Variants in FNBP1 observed in about 807,000 individuals in gnomAD.
The protein encoded by FNBP1 is formin binding protein 1.
Under a neutral mutation model 90.6 loss-of-function variants are expected in FNBP1, and 26 were observed. The ratio of observed to expected loss-of-function variants is 0.29; its 90% CI spans 0.21 to 0.40. The LOEUF is 0.40. Among genes scored for constraint, FNBP1 ranks in the 10% least tolerant of loss-of-function variants. FNBP1 has a pLI of 1.00. For missense variants in FNBP1, 635 were observed against 768.0 expected (o/e 0.83, Z 2.05); for synonymous variants, 260 against 265.2 (o/e 0.98, Z 0.19).
chr9:130,036,767 C>G (rs570129987), intron 1 of FNBP1, among the ~76,000 whole-genome samples: 1 of 152,104 alleles, frequency 6.6e-6, no homozygotes. Context: ...AGCAGTAGGC[C>G]GGGCGCAGTG....
intron 15 of FNBP1, among the ~76,000 whole-genome samples, chr9:129,897,786 A>G (rs1454256260): frequency 6.6e-6 from 1 of 151,814 alleles, no homozygotes; most frequent in Non-Finnish European, 1.5e-5. Flanking sequence ...TCTGCAGGAC[A>G]TCGTTTCAAG....
At chr9:130,048,593 C>T in the FNBP1 span, among the ~76,000 whole-genome samples, 3 of 143,896 alleles carry the variant, frequency 2.1e-5, no homozygotes, top group African/African-American at 7.7e-5. Context: ...ATTCTCCTGC[C>T]TCAGCCTCCC....
At chr9:130,016,498 C>A (rs1387995501) in intron 1 of FNBP1, among the ~76,000 whole-genome samples, 1 of 152,164 alleles carries the variant, frequency 6.6e-6, no homozygotes, top group Non-Finnish European at 1.5e-5. Flanking sequence ...AATCCCAGCA[C>A]TTTGGGAGGC....
At chr9:129,919,290 A>C (rs1016694521) in intron 10 of FNBP1, 2 of 987,816 alleles carry the variant, frequency 2.0e-6, no homozygotes, top group Admixed American at 2.3e-5. Context: ...AAAATTAACC[A>C]TAAGACTTTA....
chr9:130,038,182 G>A (rs191959330), intron 1 of FNBP1, among the ~76,000 whole-genome samples: 3,205 of 151,632 alleles, frequency 0.021, 46 homozygotes, highest in Middle Eastern at 0.034. Flanking sequence ...GTGAAACCCT[G>A]TCTCTACTAA....
At position 129,889,495 on chromosome 9, in the gene FNBP1, AG is replaced by A. The variant is rs1487603984; in HGVS notation, c.*1043del. On this transcript the variant is annotated 3_prime_UTR_variant, in exon 17 of 17. Transcript: ENST00000446176. ...TGAGGCAGGAGAATCGCTGGAACCCAGGAGGTGGAGGTTGTAGTGAGCCGAG... is the reference window on the plus strand; with the variant it reads ...TGAGGCAGGAGAATCGCTGGAACCCAGAGGTGGAGGTTGTAGTGAGCCGAG... 5.4e-6 allele frequency: 1 copy of A among 184,402 alleles called. No individual in the cohort carries two copies. Among genetic ancestry groups the A allele is most frequent in the African/African-American group, 2.4e-5 (1 of 41,708 alleles). The allele number at this position is 184,402 out of a possible 1,614,324, so 11.4% of individuals were successfully genotyped here.
chr9:130,004,953 CT>C (rs1362972609), intron 1 of FNBP1, among the ~76,000 whole-genome samples: 1 of 150,898 alleles, frequency 6.6e-6, no homozygotes, highest in Non-Finnish European at 1.5e-5. Flanking sequence ...GTAGTCCCAG[CT>C]ACTTGGGAGG....
intron 4 of FNBP1, among the ~76,000 whole-genome samples, chr9:129,970,869 A>G (rs1176403234): frequency 6.6e-6 from 1 of 151,918 alleles, no homozygotes; most frequent in Non-Finnish European, 1.5e-5. Flanking sequence ...TTCTCTTTTT[A>G]GTGAATCTGC....
At chr9:129,951,440 A>ATTTATTTATTTGTTTG (rs1554810011) in intron 6 of FNBP1, among the ~76,000 whole-genome samples, 12 of 148,798 alleles carry the variant, frequency 8.1e-5, no homozygotes, top group Admixed American at 2.7e-4. Context: ...TTATTTATTT[A>ATTTATTTATTTGTTTG]TTTGTTTGTT....
rs1430626231 is a variant in FNBP1 at position 129,957,427 on chromosome 9, T to C, written c.446A>G (p.Asp149Gly). 1 of 1,613,912 alleles carries C rather than the reference T, an allele frequency of 6.2e-7. No individual in the cohort carries two copies. Among genetic ancestry groups the C allele is most frequent in the Non-Finnish European group, 8.5e-7 (1 of 1,179,810 alleles). ...RRFERDCKEA[D>G]RAQQYFEKMD... ...TTTCTCAAAGTACTGCTGCGCCCTG[T>C]CCGCCTCTTTGCAATCGCGTTCAAA... Residue 149 changes from aspartate to glycine, a missense_variant, in exon 6 of 17, where the codon GAC becomes GGC. Transcript: ENST00000446176. This position sits in a 1 kb window ranked among gnomAD's most constrained non-coding sequence, Gnocchi z 4.3.
rs2036636450 is a variant in FNBP1 at position 129,900,183 on chromosome 9, C to A, written c.1551-82G>T. ...AGATTGAGTCCCTGCGACTGGAGAG[C>A]ACTTGCAACCCCGCCCCTCAGCGAG... On this transcript the variant is annotated intron_variant, in intron 14 of 16. Transcript: ENST00000446176. This position sits in a 1 kb window ranked among gnomAD's most constrained non-coding sequence, Gnocchi z 4.1. 1 of 1,422,426 alleles carries A rather than the reference C, an allele frequency of 7.0e-7. No homozygotes were observed. Among genetic ancestry groups the A allele is most frequent in the Non-Finnish European group, 9.4e-7 (1 of 1,067,764 alleles). The allele number at this position is 1,422,426 out of a possible 1,614,324, so 88.1% of individuals were successfully genotyped here.
In FNBP1 at chr9:130,041,136, C is replaced by T. The variant is rs909592351; in HGVS notation, c.24+1816G>A. Among the ~76,000 whole-genome samples the T allele has an allele frequency of 6.6e-6, 1 of 151,832 alleles. No individual in the cohort carries two copies. On this transcript the variant is annotated intron_variant, in intron 1 of 16. Transcript: ENST00000446176. This position sits in a 1 kb window ranked among gnomAD's most constrained non-coding sequence, Gnocchi z 4.3. ...ATAGGCCTGAGCCACTGCGCCCGGC[C>T]TCTCTCATTTATTTTCAATCACTCC... is the stretch of plus-strand genomic sequence containing the variant.
At chr9:130,021,093 T>C (rs540334332) in intron 1 of FNBP1, among the ~76,000 whole-genome samples, 6 of 152,280 alleles carry the variant, frequency 3.9e-5, no homozygotes, top group Non-Finnish European at 7.3e-5. Flanking sequence ...ACTTCTGATA[T>C]AGGATAACAA....
intron 1 of FNBP1, among the ~76,000 whole-genome samples, chr9:130,014,753 G>A (rs1391801365): frequency 1.3e-5 from 2 of 151,866 alleles, no homozygotes; most frequent in Non-Finnish European, 2.9e-5. Flanking sequence ...GCCAATTAGA[G>A]ATCAAAAATG....
intron 4 of FNBP1, among the ~76,000 whole-genome samples, chr9:129,973,880 A>C (rs1324723699): frequency 6.8e-6 from 1 of 147,218 alleles, no homozygotes; most frequent in Non-Finnish European, 1.5e-5. Context: ...GTGCCATCTC[A>C]GCTCACTGCA....
chr9:129,972,938 A>G (rs1004794106), intron 4 of FNBP1, among the ~76,000 whole-genome samples: 22 of 152,202 alleles, frequency 1.4e-4, no homozygotes, highest in Admixed American at 8.5e-4. Context: ...GTATACTGGA[A>G]CGTTGTGCTG....
Position 129,900,596 on chromosome 9 carries a change from C to T in FNBP1, c.1429-49G>A. 2.8e-6 allele frequency: 4 copies of T among 1,453,398 alleles called. No individual in the cohort carries two copies. In the South Asian group the frequency reaches 4.4e-5, roughly 16 times the overall value. The allele number at this position is 1,453,398 out of a possible 1,614,324, so 90.0% of individuals were successfully genotyped here. A position where few individuals can be genotyped will look rare whatever the true frequency, so the allele number is the denominator to read the frequency against. On this transcript the variant is annotated intron_variant, in intron 13 of 16. Coordinates refer to ENST00000446176, the MANE Select transcript of FNBP1 (RefSeq NM_015033.3). This position sits in a 1 kb window ranked among gnomAD's most constrained non-coding sequence, Gnocchi z 4.1. The stretch of plus-strand genomic sequence containing the variant: ...CTCCAACCTAAGGCCATCTGAGGGT[C>T]AGCCCAGAGTGTCCTAAGGTCCCAA...
intron 1 of FNBP1, among the ~76,000 whole-genome samples, chr9:130,037,155 G>C (rs2059395410): frequency 6.6e-6 from 1 of 151,970 alleles, no homozygotes; most frequent in African/African-American, 2.4e-5. Flanking sequence ...TCAGGAGTTT[G>C]AGACCAGCCT....
chr9:129,895,787 C>A lies in FNBP1; in HGVS notation c.1846+51G>T, dbSNP rs1349009395. The A allele has an allele frequency of 2.7e-6, 4 of 1,481,404 alleles. No homozygotes were observed. In the East Asian group the frequency reaches 7.6e-5, roughly 28 times the overall value. 91.8% of individuals were successfully genotyped at this position (1,481,404 alleles called of 1,614,324 possible). A position where few individuals can be genotyped will look rare whatever the true frequency, so the allele number is the denominator to read the frequency against. ...TCATGGTTGTGGGGAGAAACAACTC[C>A]ATTTTTTTTAAGTTTTTTTTTTTTA... On this transcript the variant is annotated intron_variant, in intron 16 of 16. Transcript: ENST00000446176.
Sources: allele counts gnomAD v4.1 joint callset (sites outside exome capture counted in the v4.1 genomes callset), GRCh38; gene constraint gnomAD v4.1.1; non-coding constraint Gnocchi (gnomAD v3.1); transcripts MANE v1.5; gene names NCBI Gene and HGNC (gene_info 2026-07-23, HGNC 2026-07-21).